PRKAA2: variants seen among roughly 807,000 people sequenced by gnomAD.
PRKAA2 encodes the protein protein kinase AMP-activated catalytic subunit alpha 2, also known as 5'-AMP-activated protein kinase catalytic subunit alpha-2.
In PRKAA2, 40 loss-of-function variants were observed where a neutral mutation model predicts 56.3. The ratio of observed to expected loss-of-function variants is 0.71; its 90% CI spans 0.55 to 0.92. The LOEUF (loss-of-function observed/expected upper bound fraction) is 0.92, where lower values mean the gene tolerates loss of function less well. Ranked by LOEUF, PRKAA2 falls within the 40% of genes least tolerant of loss-of-function variation. The probability of loss-of-function intolerance (pLI) is 0.00; values close to 1 mark genes in which losing one functional copy is unlikely to be tolerated. For synonymous variants in PRKAA2, 214 were observed against 234.2 expected, an observed-to-expected ratio of 0.91 and a Z score of 0.79; for missense variants, 542 against 686.9, an observed-to-expected ratio of 0.79 and a Z score of 2.36.
At chr1:56,706,973 C>T (rs545640957) in intron 8 of PRKAA2, among the ~76,000 whole-genome samples, 2 of 152,228 alleles carry the variant, frequency 1.3e-5, no homozygotes, top group Non-Finnish European at 2.9e-5. Context: ...GTTATTAAAA[C>T]GCAGATCCCT....
intron 1 of PRKAA2, among the ~76,000 whole-genome samples, chr1:56,654,128 T>G (rs1643923746): frequency 1.3e-5 from 2 of 152,140 alleles, no homozygotes. Context: ...AAACTTTATC[T>G]TAACATATCC....
At position 56,712,164 on chromosome 1, in the gene PRKAA2, G is replaced by A. The variant is rs958357299; in HGVS notation, c.*4451G>A. 1 of 152,286 alleles carries A rather than the reference G, an allele frequency of 6.6e-6. No individual in the cohort carries two copies. Among genetic ancestry groups the A allele is most frequent in the East Asian group, 1.9e-4 (1 of 5,174 alleles). The allele number at this position is 152,286 out of a possible 1,614,324, so 9.4% of individuals were successfully genotyped here. A position where few individuals can be genotyped will look rare whatever the true frequency, so the allele number is the denominator to read the frequency against. Reference sequence around the variant, plus strand: ...GAAAGCATTTTTGCCATTTCCAGATGAGGAAGCAGGACCAGAAAGCTCTTC... The same window carrying A: ...GAAAGCATTTTTGCCATTTCCAGATAAGGAAGCAGGACCAGAAAGCTCTTC... On this transcript the variant is annotated 3_prime_UTR_variant, in exon 9 of 9. Transcript: ENST00000371244.
intron 1 of PRKAA2, among the ~76,000 whole-genome samples, chr1:56,657,583 G>C (rs1643956047): frequency 6.6e-6 from 1 of 152,146 alleles, no homozygotes; most frequent in Admixed American, 6.6e-5. Flanking sequence ...GGCTGAGGCA[G>C]GAGAATTGCT....
intron 2 of PRKAA2, among the ~76,000 whole-genome samples, chr1:56,676,753 A>G (rs1362133718): frequency 6.6e-6 from 1 of 152,124 alleles, no homozygotes; most frequent in Non-Finnish European, 1.5e-5. Context: ...GCTTATTGGT[A>G]TTTTTAATGA....
At chr1:56,670,697 A>G (rs1277971981) in intron 1 of PRKAA2, among the ~76,000 whole-genome samples, 4 of 152,234 alleles carry the variant, frequency 2.6e-5, no homozygotes, top group Admixed American at 2.6e-4. Context: ...TTACTTGAGT[A>G]GGCCTTCATT....
intron 1 of PRKAA2, among the ~76,000 whole-genome samples, chr1:56,646,245 G>T (rs1456589194): frequency 6.6e-6 from 1 of 152,134 alleles, no homozygotes. Flanking sequence ...AGCTGGATTG[G>T]GTCAGAGGTT....
At chr1:56,673,587 A>G (rs549990345) in intron 1 of PRKAA2, among the ~76,000 whole-genome samples, 237 of 152,326 alleles carry the variant, frequency 1.6e-3, no homozygotes, top group African/African-American at 5.5e-3. Context: ...GTATTTAAAG[A>G]TATCACTGTT....
At chr1:56,687,375 A>G (rs538218303) in intron 2 of PRKAA2, among the ~76,000 whole-genome samples, 1 of 152,216 alleles carries the variant, frequency 6.6e-6, no homozygotes, top group Non-Finnish European at 1.5e-5. Context: ...AATTATTCAT[A>G]TATATGAAAT....
At chr1:56,689,367 A>T (rs1460059788) in intron 2 of PRKAA2, among the ~76,000 whole-genome samples, 1 of 152,194 alleles carries the variant, frequency 6.6e-6, no homozygotes, top group Non-Finnish European at 1.5e-5. Context: ...CGTTTATTTT[A>T]TATAAATTAG....
chr1:56,663,076 G>C (rs1274157073), intron 1 of PRKAA2, among the ~76,000 whole-genome samples: 1 of 151,876 alleles, frequency 6.6e-6, no homozygotes, highest in Admixed American at 6.6e-5. Flanking sequence ...TCTGTTTTTT[G>C]TTTGTTTGTT....
rs1344434406 is a variant in PRKAA2 at position 56,696,227 on chromosome 1, C to T, written c.788+68C>T. ...GAATAATAATGTTAATTAAATGATT[C>T]TCCCAAAGTCTCATTTCCTGCCCTC... On this transcript the variant is annotated intron_variant, in intron 6 of 8. Transcript: ENST00000371244. 4.9e-6 allele frequency: 7 copies of T among 1,427,386 alleles called. No homozygotes were observed. The African/African-American group carries it at 7.1e-5, about 14-fold the overall frequency. 88.4% of individuals were successfully genotyped at this position (1,427,386 alleles called of 1,614,324 possible).
intron 1 of PRKAA2, among the ~76,000 whole-genome samples, chr1:56,657,720 GCAA>G (rs1643957462): frequency 6.6e-6 from 1 of 152,030 alleles, no homozygotes; most frequent in African/African-American, 2.4e-5. Context: ...GGGTGACAGA[GCAA>G]GACTCCGTCT....
intron 2 of PRKAA2, among the ~76,000 whole-genome samples, chr1:56,685,373 A>G (rs1384995344): frequency 6.6e-6 from 1 of 152,112 alleles, no homozygotes; most frequent in Non-Finnish European, 1.5e-5. Context: ...AGGTATGAGG[A>G]GGTATTATCT....
At chr1:56,706,628 A>G (rs1238408227) in intron 8 of PRKAA2, among the ~76,000 whole-genome samples, 3 of 152,196 alleles carry the variant, frequency 2.0e-5, no homozygotes, top group Non-Finnish European at 4.4e-5. Context: ...GGGCGACCAA[A>G]TAGGTCTCCA....
At chr1:56,658,938 G>A (rs1557544225) in intron 1 of PRKAA2, among the ~76,000 whole-genome samples, 2 of 151,414 alleles carry the variant, frequency 1.3e-5, no homozygotes, top group Non-Finnish European at 1.5e-5. Flanking sequence ...GGGACTACAG[G>A]CGAGTGCCAC....
At chr1:56,699,766 T>C (rs1644282116) in intron 6 of PRKAA2, among the ~76,000 whole-genome samples, 1 of 152,156 alleles carries the variant, frequency 6.6e-6, no homozygotes, top group Non-Finnish European at 1.5e-5. Context: ...CCATTTCCCC[T>C]TCCTCCTATC....
intron 1 of PRKAA2, among the ~76,000 whole-genome samples, chr1:56,658,398 T>A (rs1643962358): frequency 6.6e-6 from 1 of 152,010 alleles, no homozygotes. Flanking sequence ...AATAGACACA[T>A]AAGGACCAGA....
At chr1:56,648,029 CAAAA>C (rs77883110) in intron 1 of PRKAA2, among the ~76,000 whole-genome samples, 1 of 107,898 alleles carries the variant, frequency 9.3e-6, no homozygotes, top group Non-Finnish European at 1.9e-5. Context: ...GACTCCATCT[CAAAA>C]AAAAAAAAAG....
At chr1:56,655,280 A>ATATTTTT in intron 1 of PRKAA2, among the ~76,000 whole-genome samples, 2 of 93,680 alleles carry the variant, frequency 2.1e-5, no homozygotes, top group African/African-American at 9.1e-5. Context: ...ATATATATAT[A>ATATTTTT]TTTTTTTTTT....
Sources: gnomAD v4.1 joint callset for allele counts (sites outside exome capture counted in the v4.1 genomes callset) on GRCh38, gnomAD v4.1.1 for gene constraint, MANE v1.5 for transcripts, NCBI Gene and HGNC (gene_info 2026-07-23, HGNC 2026-07-21) for gene names.